The following LIPA variants were observed in gnomAD, a reference collection of about 807,000 sequenced individuals.
LIPA encodes lipase A, lysosomal acid type.
A neutral mutation model predicts 40.6 loss-of-function variants in LIPA; 26 were observed. That is an observed-to-expected ratio of 0.64 (90% CI 0.47 to 0.89). LIPA has a LOEUF of 0.89. LIPA is among the 40% of genes least tolerant of loss of function. The pLI is 0.00. For missense variants in LIPA, 455 were observed against 479.6 expected (o/e 0.95, Z 0.48); for synonymous variants, 188 against 168.4 (o/e 1.12, Z -0.90).
intron 2 of LIPA, among the ~76,000 whole-genome samples, chr10:89,351,775 T>C (rs898198291): frequency 2.6e-5 from 4 of 152,196 alleles, no homozygotes; most frequent in Admixed American, 2.0e-4. Context: ...CTTAGAGTCT[T>C]AATTGACCCA....
upstream of LIPA, among the ~76,000 whole-genome samples, chr10:89,346,022 G>C (rs1043117894): frequency 7.2e-5 from 11 of 152,130 alleles, no homozygotes; most frequent in Non-Finnish European, 1.6e-4. Context: ...GAGGCAGAAA[G>C]ATTTTTAAAA....
chr10:89,403,331 A>C (rs759176272), intron 2 of LIPA: 1 of 1,613,314 alleles, frequency 6.2e-7, no homozygotes, highest in African/African-American at 1.3e-5. Flanking sequence ...TGTATATAGA[A>C]GCAGGCAATC....
At chr10:89,382,803 A>T (rs1844173264) in intron 2 of LIPA, among the ~76,000 whole-genome samples, 1 of 152,272 alleles carries the variant, frequency 6.6e-6, no homozygotes, top group South Asian at 2.1e-4. Flanking sequence ...TGGCTTGAGC[A>T]TTCATGAAGT....
intron 2 of LIPA, among the ~76,000 whole-genome samples, chr10:89,406,852 G>A (rs1002196075): frequency 6.6e-6 from 1 of 152,144 alleles, no homozygotes; most frequent in African/African-American, 2.4e-5. Flanking sequence ...TGGTGACCAC[G>A]AAGGGACTAT....
intron 1 of LIPA, chr10:89,306,527 TC>T: frequency 6.2e-7 from 1 of 1,614,088 alleles, no homozygotes; most frequent in Non-Finnish European, 8.5e-7. Context: ...CTGGCCACCA[TC>T]TCAGAACGCC....
chr10:89,292,372 A>T (rs1350764383), intron 1 of LIPA: 2 of 152,232 alleles, frequency 1.3e-5, no homozygotes, highest in African/African-American at 4.8e-5. Context: ...AACAAAGCGA[A>T]TAAAAAGAAA....
At chr10:89,394,048 C>T (rs1191634265) in intron 2 of LIPA, among the ~76,000 whole-genome samples, 1 of 152,118 alleles carries the variant, frequency 6.6e-6, no homozygotes, top group African/African-American at 2.4e-5. Context: ...AGTCATGCAT[C>T]GTGTAACAAT....
intron 1 of LIPA, among the ~76,000 whole-genome samples, chr10:89,337,532 G>A (rs113708381): frequency 2.4e-4 from 37 of 152,182 alleles, no homozygotes; most frequent in African/African-American, 7.7e-4. Context: ...CCCGAATGGC[G>A]AGGACTACAG....
intron 3 of LIPA, among the ~76,000 whole-genome samples, chr10:89,236,527 G>A (rs1017591935): frequency 6.6e-6 from 1 of 152,154 alleles, no homozygotes; most frequent in Non-Finnish European, 1.5e-5. Context: ...TAGTGATCTG[G>A]GAGTGCTCCC....
intron 2 of LIPA, among the ~76,000 whole-genome samples, chr10:89,349,839 G>T (rs1843947163): frequency 6.6e-6 from 1 of 152,148 alleles, no homozygotes; most frequent in Non-Finnish European, 1.5e-5. Flanking sequence ...ATTATTTTGA[G>T]TTAAAGGGAA....
At chr10:89,339,123 G>T (rs143578681) in intron 1 of LIPA, 19 of 1,613,994 alleles carry the variant, frequency 1.2e-5, no homozygotes, top group Non-Finnish European at 1.5e-5. Context: ...AAAGGGCGAA[G>T]GTGTGTTTTG....
chr10:89,411,638 T>C (rs961850650), intron 2 of LIPA, among the ~76,000 whole-genome samples: 6 of 152,232 alleles, frequency 3.9e-5, no homozygotes, highest in Non-Finnish European at 5.9e-5. Flanking sequence ...AATCTATCCT[T>C]ACTCTACAAT....
chr10:89,223,594 G>A, intron 7 of LIPA, 90 bp downstream of exon 7: 1 of 1,084,990 alleles, frequency 9.2e-7, no homozygotes, highest in South Asian at 1.3e-5. Flanking sequence ...GTTCTGATGA[G>A]GTCATTCCCA....
rs72468815 is a variant in LIPA, at chr10:89,227,099, AAC to A, written c.429-97_429-96del. 12,120 of 835,998 alleles carry A rather than the reference AAC, an allele frequency of 0.014. 248 individuals carry two copies. The highest frequency in any genetic ancestry group is 0.076 in the African/African-American group (4,577 of 59,850). The allele number at this position is 835,998 out of a possible 1,614,324, so 51.8% of individuals were successfully genotyped here. A position where few individuals can be genotyped will look rare whatever the true frequency, so the allele number is the denominator to read the frequency against. Reference sequence around the variant, plus strand: ...CAGTTTGATGAGTTATCACAAACTAAACACAGCTGGGAAAACCAGCAGTGAGT... The same window carrying A: ...CAGTTTGATGAGTTATCACAAACTAAACAGCTGGGAAAACCAGCAGTGAGT... On this transcript the variant is annotated intron_variant, in intron 4 of 9. Transcript: ENST00000336233.
At chr10:89,401,031 T>G (rs1012026911) in intron 2 of LIPA, among the ~76,000 whole-genome samples, 1 of 152,224 alleles carries the variant, frequency 6.6e-6, no homozygotes. Flanking sequence ...ATGTATTTAT[T>G]CCCTTCATTC....
chr10:89,245,865 G>C (rs911828581), intron 2 of LIPA, 72 bp from the exon 3 acceptor site: 1 of 828,676 alleles, frequency 1.2e-6, no homozygotes, highest in Non-Finnish European at 2.2e-6. Flanking sequence ...ACAAGCAAAG[G>C]AGCAGATAAA....
chr10:89,383,737 G>C, intron 2 of LIPA: 1 of 1,614,202 alleles, frequency 6.2e-7, no homozygotes, highest in Non-Finnish European at 8.5e-7. Flanking sequence ...TCCAGAGGTG[G>C]ACTGTGAGGA....
upstream of LIPA, chr10:89,414,660 C>G: frequency 2.2e-6 from 2 of 917,002 alleles, no homozygotes; most frequent in Non-Finnish European, 3.1e-6. Flanking sequence ...GCCGCGCGGC[C>G]GAGTCCAGGG....
At chr10:89,309,922 G>A (rs564360616) in intron 1 of LIPA, among the ~76,000 whole-genome samples, 5 of 152,174 alleles carry the variant, frequency 3.3e-5, no homozygotes, top group Non-Finnish European at 5.9e-5. Flanking sequence ...CATCCAACAC[G>A]GCAAGCCCCT....
Sources: gnomAD v4.1 joint callset for allele counts (sites outside exome capture counted in the v4.1 genomes callset) on GRCh38, gnomAD v4.1.1 for gene constraint, MANE v1.5 for transcripts, NCBI Gene and HGNC (gene_info 2026-07-23, HGNC 2026-07-21) for gene names.